The following MYRIP variants were observed in gnomAD, a reference collection of about 807,000 sequenced individuals.
MYRIP encodes myosin VIIA and Rab interacting protein.
In MYRIP, 49 loss-of-function variants were observed where a neutral mutation model predicts 98.0. The observed-to-expected ratio is 0.50, with a 90% CI of 0.40 to 0.63. MYRIP has a LOEUF of 0.63. Ranked by LOEUF, MYRIP falls within the 30% of genes least tolerant of loss-of-function variation. The probability of loss-of-function intolerance (pLI) is 0.00; values close to 1 mark genes in which losing one functional copy is unlikely to be tolerated. For synonymous variants in MYRIP, 404 were observed against 409.5 expected, an observed-to-expected ratio of 0.99 and a Z score of 0.16; for missense variants, 1,004 against 1,058.2, an observed-to-expected ratio of 0.95 and a Z score of 0.71.
intron 1 of MYRIP, among the ~76,000 whole-genome samples, chr3:39,889,745 C>G (rs113653507): frequency 0.018 from 2,784 of 152,128 alleles, 82 homozygotes; most frequent in African/African-American, 0.063. Context: ...ATTATGCGGA[C>G]ATTTAAAATT....
chr3:39,927,792 A>G (rs929723007), intron 2 of MYRIP, among the ~76,000 whole-genome samples: 9 of 152,074 alleles, frequency 5.9e-5, no homozygotes, highest in African/African-American at 2.2e-4. Flanking sequence ...AAAATCCTCA[A>G]CAGAATACTA....
chr3:39,967,247 C>T (rs1945464921), intron 2 of MYRIP, among the ~76,000 whole-genome samples: 1 of 152,096 alleles, frequency 6.6e-6, no homozygotes, highest in Non-Finnish European at 1.5e-5. Flanking sequence ...TCTTCTCATC[C>T]TCCCTGCTCA....
At chr3:40,033,425 AACAG>A (rs1947305020) in intron 2 of MYRIP, among the ~76,000 whole-genome samples, 2 of 152,134 alleles carry the variant, frequency 1.3e-5, no homozygotes, top group South Asian at 2.1e-4. Flanking sequence ...ATACACCAAT[AACAG>A]ACAAACAGAG....
intron 2 of MYRIP, among the ~76,000 whole-genome samples, chr3:39,935,799 C>G (rs1292456154): frequency 6.6e-6 from 1 of 152,090 alleles, no homozygotes; most frequent in Non-Finnish European, 1.5e-5. Context: ...TTCTAGCAAT[C>G]AGGACAGGAG....
intron 1 of MYRIP, among the ~76,000 whole-genome samples, chr3:39,870,244 C>T (rs1027558605): frequency 1.3e-5 from 2 of 152,128 alleles, no homozygotes; most frequent in Non-Finnish European, 2.9e-5. Flanking sequence ...CCTTACCCTG[C>T]CCTGAAAGAG....
At chr3:39,897,035 T>A (rs1943625909) in intron 1 of MYRIP, among the ~76,000 whole-genome samples, 1 of 152,226 alleles carries the variant, frequency 6.6e-6, no homozygotes, top group Admixed American at 6.5e-5. Context: ...TCTAACTCTG[T>A]TGCTTCTTAT....
At chr3:39,979,441 C>A (rs1350925686) in intron 2 of MYRIP, among the ~76,000 whole-genome samples, 1 of 151,914 alleles carries the variant, frequency 6.6e-6, no homozygotes, top group Non-Finnish European at 1.5e-5. Context: ...GAGTTTGAGA[C>A]CAGCCTGACC....
At chr3:39,872,262 T>C (rs540216600) in intron 1 of MYRIP, among the ~76,000 whole-genome samples, 2 of 152,062 alleles carry the variant, frequency 1.3e-5, no homozygotes, top group Non-Finnish European at 2.9e-5. Context: ...GTCTGATTTT[T>C]CTTTCTTTCT....
intron 1 of MYRIP, among the ~76,000 whole-genome samples, chr3:39,813,491 G>T: frequency 6.6e-6 from 1 of 152,176 alleles, no homozygotes; most frequent in East Asian, 1.9e-4. Context: ...TTCACAATAG[G>T]AGGAGGATGG....
intron 2 of MYRIP, among the ~76,000 whole-genome samples, chr3:39,934,430 C>T (rs1224588237): frequency 6.6e-6 from 1 of 152,036 alleles, no homozygotes; most frequent in Admixed American, 6.6e-5. Context: ...CCCCAGGTGG[C>T]AGAGACGAGT....
At chr3:40,072,497 G>A (rs990230684) in intron 3 of MYRIP, among the ~76,000 whole-genome samples, 9 of 152,134 alleles carry the variant, frequency 5.9e-5, no homozygotes, top group Non-Finnish European at 1.2e-4. Context: ...ATGAGCCACC[G>A]CGCCCAGCCT....
At chr3:39,938,511 A>G (rs1944707338) in intron 2 of MYRIP, among the ~76,000 whole-genome samples, 1 of 152,176 alleles carries the variant, frequency 6.6e-6, no homozygotes, top group African/African-American at 2.4e-5. Flanking sequence ...GCTAGGTCAT[A>G]GAGAATGCAT....
intron 1 of MYRIP, among the ~76,000 whole-genome samples, chr3:39,826,295 A>G (rs995791331): frequency 1.3e-5 from 2 of 151,874 alleles, no homozygotes; most frequent in Non-Finnish European, 2.9e-5. Flanking sequence ...TGATGTGGGC[A>G]TTTATTGCTA....
chr3:39,990,339 T>C (rs1946143077), intron 2 of MYRIP, among the ~76,000 whole-genome samples: 1 of 152,234 alleles, frequency 6.6e-6, no homozygotes, highest in African/African-American at 2.4e-5. Flanking sequence ...GGAATCTGGA[T>C]ACCTCAGTTG....
rs113290918 is a variant in MYRIP at position 39,834,023 on chromosome 3, C to G, written c.-31+24107C>G. On this transcript the variant is annotated intron_variant, in intron 1 of 16. Coordinates refer to ENST00000302541, the MANE Select transcript of MYRIP (RefSeq NM_015460.4). ...CAGCCTGGGCAACAAGAGCGAAACT[C>G]TGTCTTGAAAAGAAAAACTAAGTGA... Among the ~76,000 whole-genome samples, 233 of 152,342 alleles carry G rather than the reference C, an allele frequency of 1.5e-3. 1 individual carries two copies. The highest frequency in any genetic ancestry group is 5.5e-3 in the African/African-American group (227 of 41,586).
At chr3:40,154,941 A>C (rs1029660732) in intron 4 of MYRIP, among the ~76,000 whole-genome samples, 1 of 151,990 alleles carries the variant, frequency 6.6e-6, no homozygotes. Context: ...GGAAAAATAA[A>C]CCTTGCTTTT....
At position 40,251,958 on chromosome 3, in the gene MYRIP, A is replaced by C; in HGVS notation, c.2506A>C (p.Asn836His). Reference sequence around the variant, plus strand: ...CTTCATTCTCCAAGGCTCCTCAACAAACAGGACTAAGGAAAGGAAAGGCAC... The same window carrying C: ...CTTCATTCTCCAAGGCTCCTCAACACACAGGACTAAGGAAAGGAAAGGCAC... ...HNFILQGSST[N>H]RTKERKGTTK... The change falls in exon 16 of 17, where the codon AAC (asparagine) becomes CAC (histidine). Residue 836 changes from asparagine to histidine, a missense_variant. Asn to His is a moderately conservative substitution (Grantham distance 68). Around this residue, in one of 3 missense-constraint regions of MYRIP, gnomAD observed 108 missense variants for 111.1 expected, o/e 0.97. Transcript: ENST00000302541. The C allele has an allele frequency of 6.2e-7, 1 of 1,613,564 alleles. No homozygotes were observed. The highest frequency in any genetic ancestry group is 8.5e-7 in the Non-Finnish European group (1 of 1,179,500).
At chr3:39,909,342 G>A (rs1943961429) in intron 2 of MYRIP, among the ~76,000 whole-genome samples, 1 of 152,192 alleles carries the variant, frequency 6.6e-6, no homozygotes, top group Admixed American at 6.5e-5. Flanking sequence ...ATCCAAAGCT[G>A]TTGGGTATTT....
chr3:40,076,347 C>T (rs1948342825), intron 3 of MYRIP, among the ~76,000 whole-genome samples: 1 of 152,356 alleles, frequency 6.6e-6, no homozygotes, highest in East Asian at 1.9e-4. Flanking sequence ...CAAGGCCCCA[C>T]AGCTCTGCCA....
Sources: gnomAD v4.1 joint callset for allele counts (sites outside exome capture counted in the v4.1 genomes callset) on GRCh38, gnomAD v4.1.1 for gene constraint, gnomAD v4.1.1 regional missense constraint, MANE v1.5 for transcripts, NCBI Gene and HGNC (gene_info 2026-07-23, HGNC 2026-07-21) for gene names.